The following ARB2A variants were observed in gnomAD, a reference collection of about 807,000 sequenced individuals.
ARB2A encodes ARB2 cotranscriptional regulator A.
At chr5:93,999,573 T>C in the ARB2A span, among the ~76,000 whole-genome samples, 1 of 151,948 alleles carries the variant, frequency 6.6e-6, no homozygotes, top group African/African-American at 2.4e-5. Context: ...AGATTTCCCA[T>C]GTACACCCTG....
At chr5:93,961,962 C>T in the ARB2A span, among the ~76,000 whole-genome samples, 1 of 152,252 alleles carries the variant, frequency 6.6e-6, no homozygotes, top group East Asian at 1.9e-4. Context: ...TGACTGTGCA[C>T]ATGGTAACTA....
chr5:93,922,659 G>T, the ARB2A span, among the ~76,000 whole-genome samples: 1 of 78,752 alleles, frequency 1.3e-5, no homozygotes, highest in Non-Finnish European at 2.4e-5. Flanking sequence ...AGGGAGGGAG[G>T]GAGGAAGGGA....
chr5:93,679,047 A>C, the ARB2A span, among the ~76,000 whole-genome samples: 1 of 152,218 alleles, frequency 6.6e-6, no homozygotes, highest in Non-Finnish European at 1.5e-5. Flanking sequence ...GTGACTATGA[A>C]GTTCATAACA....
At chr5:93,664,224 G>C in the ARB2A span, among the ~76,000 whole-genome samples, 1 of 151,996 alleles carries the variant, frequency 6.6e-6, no homozygotes. Context: ...AAGACTACAG[G>C]TGCGTGCCAC....
the ARB2A span, among the ~76,000 whole-genome samples, chr5:93,760,661 CT>C: frequency 3.3e-5 from 5 of 152,166 alleles, no homozygotes; most frequent in African/African-American, 1.2e-4. Flanking sequence ...AAAGGACATC[CT>C]TTTCAACAAA....
chr5:94,059,786 A>G, the ARB2A span, among the ~76,000 whole-genome samples: 5 of 152,036 alleles, frequency 3.3e-5, no homozygotes, highest in African/African-American at 9.7e-5. Context: ...TATGCCAACC[A>G]AAAGCATCTT....
At chr5:94,058,142 T>C in the ARB2A span, among the ~76,000 whole-genome samples, 2 of 151,582 alleles carry the variant, frequency 1.3e-5, no homozygotes, top group Non-Finnish European at 2.9e-5. Flanking sequence ...TCTAAAACTG[T>C]CATATCAAAG....
At chr5:93,933,963 G>A in the ARB2A span, among the ~76,000 whole-genome samples, 17 of 152,054 alleles carry the variant, frequency 1.1e-4, no homozygotes, top group East Asian at 1.9e-3. Flanking sequence ...CCGAGATCAC[G>A]CCACTGCATT....
chr5:93,964,422 C>A, the ARB2A span: 1 of 1,400,744 alleles, frequency 7.1e-7, no homozygotes, highest in South Asian at 1.3e-5. Context: ...ATAAACATTT[C>A]ATTTGAAATA....
At chr5:93,880,209 A>G in the ARB2A span, among the ~76,000 whole-genome samples, 1 of 151,798 alleles carries the variant, frequency 6.6e-6, no homozygotes, top group Non-Finnish European at 1.5e-5. Flanking sequence ...CTGCTTTGAG[A>G]ATTCCTTGTC....
the ARB2A span, among the ~76,000 whole-genome samples, chr5:94,062,713 T>C: frequency 6.6e-6 from 1 of 152,066 alleles, no homozygotes. Context: ...TAAGGTGCCA[T>C]TTTGAGAGCC....
chr5:93,760,209 CT>C, the ARB2A span, among the ~76,000 whole-genome samples: 1 of 152,238 alleles, frequency 6.6e-6, no homozygotes, highest in South Asian at 2.1e-4. Flanking sequence ...CAGAAGACCT[CT>C]ACAAGAAAAA....
the ARB2A span, among the ~76,000 whole-genome samples, chr5:94,069,887 C>A: frequency 6.6e-6 from 1 of 152,092 alleles, no homozygotes; most frequent in Non-Finnish European, 1.5e-5. Flanking sequence ...GGGCATTTCT[C>A]AAAATACTAC....
chr5:94,110,653 T>A, the ARB2A span, among the ~76,000 whole-genome samples: 2 of 152,248 alleles, frequency 1.3e-5, no homozygotes, highest in Non-Finnish European at 2.9e-5. Context: ...CATTGTAGGA[T>A]AAAGAATACA....
the ARB2A span, among the ~76,000 whole-genome samples, chr5:93,783,296 T>C: frequency 1.3e-5 from 2 of 152,162 alleles, no homozygotes; most frequent in Admixed American, 1.3e-4. Flanking sequence ...TAAAAACCCA[T>C]CTTTACATGT....
chr5:93,890,582 T>C, the ARB2A span, among the ~76,000 whole-genome samples: 5 of 151,998 alleles, frequency 3.3e-5, no homozygotes, highest in Admixed American at 3.3e-4. Flanking sequence ...TCAGTTCTGA[T>C]GTGAAATAAT....
chr5:94,025,431 G>A, the ARB2A span, among the ~76,000 whole-genome samples: 19 of 152,214 alleles, frequency 1.2e-4, no homozygotes, highest in African/African-American at 3.6e-4. Context: ...ATTAGTACCC[G>A]ACCCTTTTAA....
chr5:94,023,862 G>C, the ARB2A span, among the ~76,000 whole-genome samples: 5 of 152,178 alleles, frequency 3.3e-5, no homozygotes, highest in African/African-American at 1.2e-4. Context: ...GGACAAAATA[G>C]AGCTTCTACA....
At chr5:94,059,388 C>T in the ARB2A span, among the ~76,000 whole-genome samples, 7 of 151,656 alleles carry the variant, frequency 4.6e-5, no homozygotes, top group African/African-American at 1.7e-4. Flanking sequence ...TTTGGGAGGC[C>T]AAGGTGGGTA....
Sources: allele counts gnomAD v4.1 joint callset (sites outside exome capture counted in the v4.1 genomes callset), GRCh38; gene constraint gnomAD v4.1.1; transcripts MANE v1.5; gene names NCBI Gene and HGNC (gene_info 2026-07-23, HGNC 2026-07-21).